AFF3: variants seen among roughly 807,000 people sequenced by gnomAD.
AFF3 encodes AF4/FMR2 family member 3.
Under a neutral mutation model 129.7 loss-of-function variants are expected in AFF3, and 32 were observed. That is an observed-to-expected ratio of 0.25 (90% CI 0.19 to 0.33). The LOEUF (loss-of-function observed/expected upper bound fraction) is 0.33. Ranked by LOEUF, AFF3 falls within the 10% of genes least tolerant of loss-of-function variation. AFF3 has a pLI of 1.00. For missense variants in AFF3, 1,373 were observed against 1,592.0 expected (o/e 0.86, Z 2.34); for synonymous variants, 644 against 635.4 (o/e 1.01, Z -0.20).
chr2:99,741,680 A>T (rs1680732371), intron 10 of AFF3, among the ~76,000 whole-genome samples: 1 of 152,088 alleles, frequency 6.6e-6, no homozygotes, highest in Non-Finnish European at 1.5e-5. Context: ...ATCCCCATCA[A>T]GCTACCAATG....
At chr2:99,622,545 A>G (rs1049460278) in intron 13 of AFF3, among the ~76,000 whole-genome samples, 4 of 152,246 alleles carry the variant, frequency 2.6e-5, no homozygotes, top group African/African-American at 9.6e-5. Context: ...ATTCCTGAGT[A>G]TGGTGCCAAT....
intron 7 of AFF3, among the ~76,000 whole-genome samples, chr2:99,920,432 A>G (rs960111311): frequency 6.6e-6 from 1 of 152,092 alleles, no homozygotes; most frequent in Non-Finnish European, 1.5e-5. Flanking sequence ...AAAACTCATG[A>G]TCATTTCAGT....
intron 10 of AFF3, among the ~76,000 whole-genome samples, chr2:99,736,759 G>A (rs1442213028): frequency 4.6e-5 from 7 of 151,882 alleles, no homozygotes; most frequent in South Asian, 2.1e-4. Context: ...ACAGGCATAC[G>A]CCACCACGCC....
intron 4 of AFF3, among the ~76,000 whole-genome samples, chr2:100,090,727 A>G (rs1334683078): frequency 6.6e-6 from 1 of 152,150 alleles, no homozygotes; most frequent in Non-Finnish European, 1.5e-5. Flanking sequence ...CCCAGGCTGG[A>G]GTGCAATGGT....
At chr2:99,754,469 T>A (rs894297005) in intron 8 of AFF3, among the ~76,000 whole-genome samples, 4 of 152,370 alleles carry the variant, frequency 2.6e-5, no homozygotes, top group Admixed American at 2.0e-4. Context: ...TAACTTTGCA[T>A]ACAGACTCCC....
intron 8 of AFF3, among the ~76,000 whole-genome samples, chr2:99,808,641 T>C (rs144385705): frequency 6.8e-4 from 103 of 152,108 alleles, no homozygotes; most frequent in African/African-American, 2.3e-3. Context: ...TTTAACAGAA[T>C]TAAGAAGTGG....
chr2:99,941,166 ACCAAGGGC>A (rs1675004843), intron 7 of AFF3, among the ~76,000 whole-genome samples: 1 of 152,094 alleles, frequency 6.6e-6, no homozygotes, highest in Non-Finnish European at 1.5e-5. Context: ...GGTGGGTCTG[ACCAAGGGC>A]CCGTCTCCAG....
intron 2 of AFF3, among the ~76,000 whole-genome samples, chr2:100,118,456 C>T (rs2105549215): frequency 6.6e-6 from 1 of 152,272 alleles, no homozygotes; most frequent in South Asian, 2.1e-4. Context: ...ATGGTTATAG[C>T]TCCATTGTTG....
chr2:99,582,015 A>ACCT, intron 17 of AFF3, among the ~76,000 whole-genome samples: 1 of 151,734 alleles, frequency 6.6e-6, no homozygotes, highest in East Asian at 2.0e-4. Flanking sequence ...CCACCACGCT[A>ACCT]GGCTAATTTT....
At chr2:99,626,451 C>T (rs1268408727) in intron 13 of AFF3, among the ~76,000 whole-genome samples, 1 of 62,776 alleles carries the variant, frequency 1.6e-5, no homozygotes, top group African/African-American at 4.5e-5. Context: ...CCTTCCCTTC[C>T]CCTTCCTTCC....
At chr2:99,612,153 G>T (rs1457973162) in intron 13 of AFF3, among the ~76,000 whole-genome samples, 1 of 152,166 alleles carries the variant, frequency 6.6e-6, no homozygotes, top group East Asian at 1.9e-4. Flanking sequence ...ATGGAGTTTA[G>T]CTGTACTTAG....
intron 20 of AFF3, among the ~76,000 whole-genome samples, chr2:99,561,872 T>G (rs1402250552): frequency 2.0e-5 from 3 of 152,226 alleles, no homozygotes; most frequent in Middle Eastern, 3.2e-3. Flanking sequence ...AGACACATAC[T>G]TGTACTTTTC....
chr2:100,098,292 C>A (rs1015095011), intron 4 of AFF3, among the ~76,000 whole-genome samples: 21 of 151,814 alleles, frequency 1.4e-4, no homozygotes, highest in Non-Finnish European at 1.3e-4. Context: ...AAAACAACAA[C>A]AAAAAAATTA....
At chr2:99,762,886 T>C (rs1338364494) in intron 8 of AFF3, among the ~76,000 whole-genome samples, 3 of 152,270 alleles carry the variant, frequency 2.0e-5, no homozygotes, top group Admixed American at 2.0e-4. Flanking sequence ...TCATTTTCAG[T>C]TTCTGTATCA....
intron 4 of AFF3, among the ~76,000 whole-genome samples, chr2:100,011,252 C>T (rs746133320): frequency 1.2e-4 from 18 of 152,188 alleles, no homozygotes; most frequent in Non-Finnish European, 1.9e-4. Context: ...CCAGCCTGGG[C>T]GACAAAGCGA....
chr2:100,132,334 A>G (rs928910801), intron 1 of AFF3, among the ~76,000 whole-genome samples: 2 of 152,224 alleles, frequency 1.3e-5, no homozygotes, highest in Non-Finnish European at 2.9e-5. Flanking sequence ...ATGTATACCT[A>G]TATCAAAGCA....
intron 2 of AFF3, among the ~76,000 whole-genome samples, chr2:100,126,760 G>T (rs1692209855): frequency 6.6e-6 from 1 of 152,116 alleles, no homozygotes; most frequent in South Asian, 2.1e-4. Flanking sequence ...ATAAAATGTA[G>T]TCAGTGGCCC....
intron 5 of AFF3, 36 bp from the exon 6 acceptor site, chr2:100,007,496 A>C (rs1682082637): frequency 6.4e-7 from 1 of 1,566,898 alleles, no homozygotes; most frequent in East Asian, 2.2e-5. Flanking sequence ...CTATTGTTAG[A>C]GACAACAGAA....
chr2:100,053,883 A>G (rs1686555971), intron 4 of AFF3, among the ~76,000 whole-genome samples: 1 of 152,164 alleles, frequency 6.6e-6, no homozygotes, highest in African/African-American at 2.4e-5. Context: ...AGAGCTCACA[A>G]TCCAAGTACA....
Sources: allele counts gnomAD v4.1 joint callset (sites outside exome capture counted in the v4.1 genomes callset), GRCh38; gene constraint gnomAD v4.1.1; transcripts MANE v1.5; gene names NCBI Gene and HGNC (gene_info 2026-07-23, HGNC 2026-07-21).